Variants in WDR64 observed in about 807,000 individuals in gnomAD.
The protein encoded by WDR64 is WD repeat-containing protein 64.
A neutral mutation model predicts 139.3 loss-of-function variants in WDR64; 112 were observed. The ratio of observed to expected loss-of-function variants is 0.80; its 90% CI spans 0.69 to 0.94. The LOEUF is 0.94. Ranked by LOEUF, WDR64 falls within the 40% of genes least tolerant of loss-of-function variation. The pLI, the probability that WDR64 is intolerant of heterozygous loss-of-function variation, is 0.00. For missense variants in WDR64, 1,206 were observed against 1,293.1 expected, an observed-to-expected ratio of 0.93 and a Z score of 1.03; for synonymous variants, 444 against 437.7, an observed-to-expected ratio of 1.01 and a Z score of -0.18.
intron 24 of WDR64, 25 bp from the exon 25 acceptor site, chr1:241,790,566 C>T (rs755636594): frequency 2.6e-6 from 4 of 1,557,696 alleles, no homozygotes; most frequent in Admixed American, 1.9e-5. Context: ...TGGGTATGTA[C>T]TTATTCTTGT....
At chr1:241,796,588 G>C (rs1011361871) in intron 27 of WDR64, among the ~76,000 whole-genome samples, 1 of 151,844 alleles carries the variant, frequency 6.6e-6, no homozygotes, top group Non-Finnish European at 1.5e-5. Flanking sequence ...CGCCTACCAG[G>C]TTCAAATGAT....
At chr1:241,674,466 G>T (rs1345386445) in intron 3 of WDR64, among the ~76,000 whole-genome samples, 178 bp from the exon 4 acceptor site, 1 of 151,836 alleles carries the variant, frequency 6.6e-6, no homozygotes, top group Non-Finnish European at 1.5e-5. Flanking sequence ...TGCTGCCCAG[G>T]CTGGTCTTGA....
intron 10 of WDR64, among the ~76,000 whole-genome samples, chr1:241,724,955 G>A (rs369850381): frequency 2.6e-5 from 4 of 152,072 alleles, no homozygotes; most frequent in Non-Finnish European, 4.4e-5. Flanking sequence ...ATCTAGTGCC[G>A]AAGTGTGGTC....
At chr1:241,744,574 A>C in intron 13 of WDR64, 58 bp downstream of exon 13, 2 of 1,602,578 alleles carry the variant, frequency 1.2e-6, no homozygotes, top group Non-Finnish European at 1.7e-6. Context: ...AATTTCCGCC[A>C]AAAACTCTTT....
intron 25 of WDR64, among the ~76,000 whole-genome samples, chr1:241,793,963 C>T (rs1234440368): frequency 6.6e-6 from 1 of 152,092 alleles, no homozygotes; most frequent in Non-Finnish European, 1.5e-5. Flanking sequence ...GGGTGGATCA[C>T]CTGAAGTCAG....
chr1:241,705,666 C>T (rs1427193503), intron 8 of WDR64, among the ~76,000 whole-genome samples: 2 of 151,966 alleles, frequency 1.3e-5, no homozygotes, highest in Non-Finnish European at 2.9e-5. Flanking sequence ...TAGCTCATTG[C>T]ACCTTCGAGT....
intron 13 of WDR64, among the ~76,000 whole-genome samples, chr1:241,746,336 T>C (rs1394126877): frequency 6.6e-6 from 1 of 151,984 alleles, no homozygotes; most frequent in Non-Finnish European, 1.5e-5. Context: ...CTATAAAAGC[T>C]CATGTGAGAA....
chr1:241,799,257 T>C (rs1325360341), intron 27 of WDR64, among the ~76,000 whole-genome samples: 1 of 140,352 alleles, frequency 7.1e-6, no homozygotes, highest in Non-Finnish European at 1.5e-5. Flanking sequence ...GGTGCACACC[T>C]GTAGTCCCAG....
chr1:241,675,215 CTCCCTTCT>C (rs372019869), intron 4 of WDR64, among the ~76,000 whole-genome samples: 4 of 86,494 alleles, frequency 4.6e-5, no homozygotes, highest in African/African-American at 2.1e-4. Flanking sequence ...CCCTTCCTCC[CTCCCTTCT>C]TCCTTCCTCC....
At chr1:241,713,430 A>AGGAAGGGAGGGAGGGAGGAAG (rs1389692321) in intron 9 of WDR64, among the ~76,000 whole-genome samples, 2 of 144,506 alleles carry the variant, frequency 1.4e-5, no homozygotes, top group Non-Finnish European at 3.1e-5. Flanking sequence ...AAGGGAAGGA[A>AGGAAGGGAGGGAGGGAGGAAG]GGAAGGGAAG....
chr1:241,787,462 C>T lies in WDR64; in HGVS notation c.2706-387C>T, dbSNP rs548321824. Among the ~76,000 whole-genome samples, 11 of 151,500 alleles carry T rather than the reference C, an allele frequency of 7.3e-5. No individual in the cohort carries two copies. The South Asian group carries it at 2.3e-3, about 32-fold the overall frequency. The stretch of plus-strand genomic sequence containing the variant: ...GGCAGATCACATAAGGTCAGGAGTT[C>T]AAGACCAGCCTGGCCAAAGTGGTGA... On this transcript the variant is annotated intron_variant, in intron 23 of 27. Coordinates refer to ENST00000437684, the MANE Select transcript of WDR64 (RefSeq NM_001367482.1).
At chr1:241,679,651 C>G in intron 6 of WDR64, 56 bp downstream of exon 6, 2 of 1,395,122 alleles carry the variant, frequency 1.4e-6, no homozygotes, top group Non-Finnish European at 2.0e-6. Context: ...AGTAGTGGTA[C>G]GATATGAGCA....
chr1:241,755,831 T>C (rs1670168534), intron 14 of WDR64, among the ~76,000 whole-genome samples: 1 of 152,226 alleles, frequency 6.6e-6, no homozygotes, highest in African/African-American at 2.4e-5. Flanking sequence ...CCTTTCCCCA[T>C]TGCTTGTTTT....
intron 8 of WDR64, among the ~76,000 whole-genome samples, chr1:241,694,932 C>A (rs1446866549): frequency 6.6e-6 from 1 of 152,130 alleles, no homozygotes; most frequent in African/African-American, 2.4e-5. Flanking sequence ...TAAGCCACGA[C>A]CCCTGCCTCT....
In WDR64 at chr1:241,751,953, T is replaced by A. The variant is rs558881336; in HGVS notation, c.1770+2231T>A. 3.9e-5 allele frequency among the ~76,000 whole-genome samples: 6 copies of A among 152,194 alleles called. No homozygotes were observed. In the South Asian group the frequency reaches 1.2e-3, roughly 32 times the overall value. ...CCCCAAGCCATTGTTGACAAAACCA[T>A]AGGTTGGTGAGAGATTACTGTTCTA... On this transcript the variant is annotated intron_variant, in intron 14 of 27. Coordinates refer to ENST00000437684, the MANE Select transcript of WDR64 (RefSeq NM_001367482.1).
Position 241,692,193 on chromosome 1 carries a change from G to C in WDR64, c.974+4598G>C, listed in dbSNP as rs976456414. Among the ~76,000 whole-genome samples the C allele has an allele frequency of 3.3e-5, 5 of 152,236 alleles. No homozygotes were observed. The East Asian group carries it at 9.6e-4, about 29-fold the overall frequency. ...AAGAGATATTCCACGTTCATGAATA[G>C]AAGACTCACTATTGTCAAGATACCA... On this transcript the variant is annotated intron_variant, in intron 8 of 27. Coordinates refer to ENST00000437684, the MANE Select transcript of WDR64 (RefSeq NM_001367482.1).
chr1:241,771,945 CATATAT>C (rs57383177), intron 19 of WDR64, among the ~76,000 whole-genome samples: 13,715 of 62,282 alleles, frequency 0.22, 1,185 homozygotes, highest in Non-Finnish European at 0.26. Flanking sequence ...TACATACATA[CATATAT>C]ATATATATAT....
At chr1:241,764,878 G>A (rs55773423) in intron 15 of WDR64, among the ~76,000 whole-genome samples, 2,091 of 152,134 alleles carry the variant, frequency 0.014, 30 homozygotes, top group Non-Finnish European at 0.025. Flanking sequence ...GAAAAATAGC[G>A]CTAACCAATG....
intron 1 of WDR64, 118 bp from the exon 2 acceptor site, chr1:241,660,412 T>C (rs1396442351): frequency 3.1e-5 from 40 of 1,286,686 alleles, no homozygotes; most frequent in Non-Finnish European, 3.5e-5. Context: ...TGCAAATATA[T>C]CTGGTTTTTA....
Sources: gnomAD v4.1 joint callset for allele counts (sites outside exome capture counted in the v4.1 genomes callset) on GRCh38, gnomAD v4.1.1 for gene constraint, MANE v1.5 for transcripts, NCBI Gene and HGNC (gene_info 2026-07-23, HGNC 2026-07-21) for gene names.